Variants in THSD7B observed in about 807,000 individuals in gnomAD.
The protein encoded by THSD7B is thrombospondin type 1 domain containing 7B.
In THSD7B, 138 loss-of-function variants were observed where a neutral mutation model predicts 213.6. That is an observed-to-expected ratio of 0.65 (90% CI 0.56 to 0.74). THSD7B has a LOEUF of 0.74. Among genes scored for constraint, THSD7B ranks in the 30% least tolerant of loss-of-function variants. The probability of loss-of-function intolerance (pLI) is 0.00; values close to 1 mark genes in which losing one functional copy is unlikely to be tolerated. For synonymous variants in THSD7B, 742 were observed against 687.0 expected, an observed-to-expected ratio of 1.08 and a Z score of -1.25; for missense variants, 1,931 against 1,991.5, an observed-to-expected ratio of 0.97 and a Z score of 0.58.
In THSD7B at chr2:137,146,943, A is replaced by G. The variant is rs142307796; in HGVS notation, c.1370-13270A>G. On this transcript the variant is annotated intron_variant, in intron 5 of 27. Transcript: ENST00000409968. ...AGACTCTTAGTTTAATGGTTTTTAA[A>G]TGAGAGTGTTTTGTCAATTGGCTTG... Among the ~76,000 whole-genome samples, 205 of 152,298 alleles carry G rather than the reference A, an allele frequency of 1.3e-3. 2 individuals carry two copies. The highest frequency in any genetic ancestry group is 4.5e-3 in the African/African-American group (189 of 41,582).
At chr2:137,313,193 G>A (rs1683968486) in intron 12 of THSD7B, among the ~76,000 whole-genome samples, 1 of 152,280 alleles carries the variant, frequency 6.6e-6, no homozygotes, top group East Asian at 1.9e-4. Flanking sequence ...GGGTGCTCCT[G>A]TATTGGATGC....
At chr2:137,083,221 T>G (rs1687779394) in intron 3 of THSD7B, among the ~76,000 whole-genome samples, 1 of 152,112 alleles carries the variant, frequency 6.6e-6, no homozygotes, top group Non-Finnish European at 1.5e-5. Context: ...TAAACTTAGG[T>G]AAACATCATT....
intron 7 of THSD7B, among the ~76,000 whole-genome samples, chr2:137,176,575 A>G (rs1042212643): frequency 2.0e-5 from 3 of 152,218 alleles, no homozygotes; most frequent in African/African-American, 7.2e-5. Context: ...AATGGGTTGT[A>G]GCACACACCT....
rs1321731584 is a variant in THSD7B, at chr2:136,882,262, G to A, written c.84G>A (p.Leu28=). The change falls in exon 2 of 28, where the codon CTG becomes CTA. Residue 28 remains leucine (L), a synonymous_variant. Transcript: ENST00000409968. ...TCTTTCTATTGCTTTCTCTCTTGCT[G>A]TCCCATGCAGCTCATTTGGAAGGCA... is the stretch of plus-strand genomic sequence containing the variant. ...RKLFLLLSLL[L]SHAAHLEGKK... 5 of 1,545,022 alleles carry A rather than the reference G, an allele frequency of 3.2e-6. No homozygotes were observed. The East Asian group carries it at 1.2e-4, about 38-fold the overall frequency.
intron 2 of THSD7B, among the ~76,000 whole-genome samples, chr2:136,887,628 T>C (rs1216728006): frequency 6.6e-6 from 1 of 152,056 alleles, no homozygotes; most frequent in Non-Finnish European, 1.5e-5. Context: ...TCCCTTTGCC[T>C]TCCTCTCTGA....
intron 12 of THSD7B, among the ~76,000 whole-genome samples, chr2:137,346,352 G>C (rs1262319435): frequency 6.6e-6 from 1 of 151,528 alleles, no homozygotes; most frequent in African/African-American, 2.4e-5. Flanking sequence ...TATTGCCATG[G>C]GTTTATTTCC....
At chr2:136,883,067 T>C (rs1447425304) in intron 2 of THSD7B, among the ~76,000 whole-genome samples, 2 of 152,174 alleles carry the variant, frequency 1.3e-5, no homozygotes, top group Non-Finnish European at 2.9e-5. Flanking sequence ...TCTTTAAGTT[T>C]CACAATCAGA....
chr2:137,150,634 C>T (rs1362486581), intron 5 of THSD7B, among the ~76,000 whole-genome samples: 1 of 152,148 alleles, frequency 6.6e-6, no homozygotes, highest in Non-Finnish European at 1.5e-5. Context: ...CTCTTTTCTT[C>T]ATAAATTACC....
intron 14 of THSD7B, among the ~76,000 whole-genome samples, chr2:137,416,629 G>C (rs1246660430): frequency 1.3e-5 from 2 of 152,182 alleles, no homozygotes; most frequent in African/African-American, 4.8e-5. Context: ...TGAATGGAAA[G>C]GATAGTTTAG....
chr2:137,342,391 A>AG (rs892635514), intron 12 of THSD7B, among the ~76,000 whole-genome samples: 1 of 25,610 alleles, frequency 3.9e-5, no homozygotes, highest in Non-Finnish European at 3.2e-4. Context: ...TAGTTCTAAC[A>AG]GGGGTTTTTT....
At chr2:137,020,731 C>T (rs759597105) in intron 2 of THSD7B, among the ~76,000 whole-genome samples, 1 of 152,124 alleles carries the variant, frequency 6.6e-6, no homozygotes, top group Non-Finnish European at 1.5e-5. Flanking sequence ...GCTTGTTTTG[C>T]AGTTTCATTT....
At chr2:137,321,837 C>A (rs1684269736) in intron 12 of THSD7B, among the ~76,000 whole-genome samples, 1 of 152,182 alleles carries the variant, frequency 6.6e-6, no homozygotes, top group Admixed American at 6.5e-5. Context: ...AGTATAAATT[C>A]TTGTCCAATC....
At chr2:137,101,369 A>G (rs1454047263) in intron 4 of THSD7B, among the ~76,000 whole-genome samples, 1 of 152,192 alleles carries the variant, frequency 6.6e-6, no homozygotes, top group Non-Finnish European at 1.5e-5. Context: ...ACAGCACCGA[A>G]CACTCTTCAC....
intron 7 of THSD7B, among the ~76,000 whole-genome samples, chr2:137,191,890 T>C (rs1187571988): frequency 3.9e-5 from 6 of 152,212 alleles, no homozygotes; most frequent in Admixed American, 3.9e-4. Flanking sequence ...TATGGCTTCA[T>C]TGTATCACAA....
intron 1 of THSD7B, among the ~76,000 whole-genome samples, chr2:136,800,447 T>C (rs1232495894): frequency 6.6e-6 from 1 of 152,030 alleles, no homozygotes; most frequent in East Asian, 1.9e-4. Flanking sequence ...GAATATTTCA[T>C]AGTATCTTCC....
At chr2:137,249,890 C>T (rs1007567986) in intron 10 of THSD7B, among the ~76,000 whole-genome samples, 4 of 152,192 alleles carry the variant, frequency 2.6e-5, no homozygotes, top group Non-Finnish European at 4.4e-5. Context: ...TGTTATAGAT[C>T]ACACATTAAT....
At chr2:137,649,760 G>C (rs1178193964) in intron 21 of THSD7B, among the ~76,000 whole-genome samples, 1 of 152,146 alleles carries the variant, frequency 6.6e-6, no homozygotes, top group South Asian at 2.1e-4. Context: ...GATGCTTTCA[G>C]CATTGTTCTT....
chr2:137,104,847 G>A (rs7604495), intron 4 of THSD7B, among the ~76,000 whole-genome samples: 44,291 of 151,938 alleles, frequency 0.29, 7,638 homozygotes, highest in African/African-American at 0.47. Context: ...ACCCTCCCAA[G>A]ACTAAACCAG....
intron 17 of THSD7B, among the ~76,000 whole-genome samples, chr2:137,578,329 T>C (rs1030564279): frequency 3.9e-5 from 6 of 152,210 alleles, no homozygotes; most frequent in African/African-American, 1.2e-4. Context: ...AACTACTAAT[T>C]TGGACATTCA....
Sources: allele counts gnomAD v4.1 joint callset (sites outside exome capture counted in the v4.1 genomes callset), GRCh38; gene constraint gnomAD v4.1.1; transcripts MANE v1.5; gene names NCBI Gene and HGNC (gene_info 2026-07-23, HGNC 2026-07-21).